MCTP2: variants seen among roughly 807,000 people sequenced by gnomAD.
The protein encoded by MCTP2 is multiple C2 and transmembrane domain-containing protein 2.
A neutral mutation model predicts 111.6 loss-of-function variants in MCTP2; 132 were observed. The ratio of observed to expected loss-of-function variants is 1.18; its 90% CI spans 1.03 to 1.37. MCTP2 has a LOEUF of 1.37. Among genes scored for constraint, MCTP2 ranks in the 40% most tolerant of loss-of-function variants. MCTP2 has a pLI of 0.00. For missense variants in MCTP2, 1,183 were observed against 1,067.9 expected (o/e 1.11, Z -1.50); for synonymous variants, 395 against 387.7 (o/e 1.02, Z -0.22).
At chr15:94,320,254 T>C in intron 4 of MCTP2, among the ~76,000 whole-genome samples, 1 of 151,716 alleles carries the variant, frequency 6.6e-6, no homozygotes. Context: ...GCCATTCTCC[T>C]GTCTCAGCCT....
At chr15:94,284,283 C>T (rs1256151333) in intron 1 of MCTP2, among the ~76,000 whole-genome samples, 1 of 152,214 alleles carries the variant, frequency 6.6e-6, no homozygotes, top group South Asian at 2.1e-4. Flanking sequence ...AAATATTCTT[C>T]ACCCATTACT....
chr15:94,243,062 CACGTGTATATGTGTATCTACACATAT>C (rs1475682678), intron 1 of MCTP2, among the ~76,000 whole-genome samples: 2,674 of 68,168 alleles, frequency 0.039, 298 homozygotes, highest in African/African-American at 0.055. Context: ...TCTACACATA[CACGTGTATATGTGTATCTACACATAT>C]ACGTGTATAT....
At chr15:94,465,884 C>T (rs74031262) in intron 20 of MCTP2, among the ~76,000 whole-genome samples, 287 of 152,166 alleles carry the variant, frequency 1.9e-3, no homozygotes, top group African/African-American at 6.6e-3. Flanking sequence ...AATATTGTCA[C>T]TTTTAATGTC....
At chr15:94,342,919 T>C (rs968332816) in intron 7 of MCTP2, 3 of 123,060 alleles carry the variant, frequency 2.4e-5, no homozygotes, top group Non-Finnish European at 5.1e-5. Context: ...TATATGGAGA[T>C]ATATATGTAT....
intron 1 of MCTP2, among the ~76,000 whole-genome samples, chr15:94,242,966 T>C (rs1567248526): frequency 8.6e-6 from 1 of 115,928 alleles, no homozygotes; most frequent in Non-Finnish European, 1.8e-5. Context: ...TACACGTGTA[T>C]ATGTGTATCT....
chr15:94,468,570 GA>G (rs1468115206), intron 20 of MCTP2, among the ~76,000 whole-genome samples: 1 of 151,940 alleles, frequency 6.6e-6, no homozygotes, highest in Non-Finnish European at 1.5e-5. Flanking sequence ...ATAATTTAAA[GA>G]ATTGAAAAAG....
intron 4 of MCTP2, among the ~76,000 whole-genome samples, chr15:94,323,477 G>A (rs949159291): frequency 4.6e-5 from 7 of 152,236 alleles, no homozygotes; most frequent in African/African-American, 1.7e-4. Flanking sequence ...AGCTCTGGAA[G>A]TGTGGCCACA....
In MCTP2 at chr15:94,358,602, C is replaced by T. The variant is rs777874074; in HGVS notation, c.1291C>T (p.Arg431Cys). ...AAAGGACAACAAAAAGCATGAGGAACGTCTGGGCACGTGAGTCCCCTCTGC... is the reference window on the plus strand; with the variant it reads ...AAAGGACAACAAAAAGCATGAGGAATGTCTGGGCACGTGAGTCCCCTCTGC... ...WGKDNKKHEE[R>C]LGTCKVDISA... Residue 431 changes from arginine to cysteine, a missense_variant, in exon 10 of 23, where the codon CGT becomes TGT. By Grantham distance (180) the Arg-to-Cys change is radical. Transcript: ENST00000357742. The T allele has an allele frequency of 1.4e-5, 22 of 1,613,524 alleles. No individual in the cohort carries two copies. The South Asian group carries it at 1.5e-4, about 11-fold the overall frequency.
intron 14 of MCTP2, among the ~76,000 whole-genome samples, chr15:94,387,893 C>T (rs2080606887): frequency 6.6e-6 from 1 of 152,156 alleles, no homozygotes; most frequent in South Asian, 2.1e-4. Flanking sequence ...ATGTGGATAT[C>T]TGAGAAATCC....
rs140940183 is a variant in MCTP2, at chr15:94,311,881, G to A, written c.466-2401G>A. Among the ~76,000 whole-genome samples the A allele has an allele frequency of 2.2e-4, 34 of 152,290 alleles. 1 individual carries two copies. In the East Asian group the frequency reaches 4.8e-3, roughly 22 times the overall value. On this transcript the variant is annotated intron_variant, in intron 2 of 22. Coordinates refer to ENST00000357742, the MANE Select transcript of MCTP2 (RefSeq NM_001385001.1). Reference sequence around the variant, plus strand: ...TCATTCAGTACAGTGAGGACAACTTGGGAGAATATATATGGTCCAGTCTGA... The same window carrying A: ...TCATTCAGTACAGTGAGGACAACTTAGGAGAATATATATGGTCCAGTCTGA...
In MCTP2 at chr15:94,242,976, TAC is replaced by T. The variant is rs1567248618; in HGVS notation, c.-66+11316_-66+11317del. Among the ~76,000 whole-genome samples, 39 of 103,898 alleles carry T rather than the reference TAC, an allele frequency of 3.8e-4. 2 individuals are homozygous for T. Among genetic ancestry groups the T allele is most frequent in the African/African-American group, 1.5e-3 (38 of 25,966 alleles). 68.2% of individuals were successfully genotyped at this position (103,898 alleles called of 152,430 possible). A position where few individuals can be genotyped will look rare whatever the true frequency, so the allele number is the denominator to read the frequency against. On this transcript the variant is annotated intron_variant, in intron 1 of 22. Transcript: ENST00000357742. ...ACATATACACGTGTATATGTGTATC[TAC>T]ACATACACGTGTATATGTGTATCTA...
chr15:94,443,840 G>T (rs187412637), intron 19 of MCTP2, among the ~76,000 whole-genome samples: 43 of 152,076 alleles, frequency 2.8e-4, no homozygotes, highest in African/African-American at 9.9e-4. Context: ...AGAGGAAAAT[G>T]ACCTTTTTCA....
At chr15:94,445,034 A>G (rs1438883146) in intron 19 of MCTP2, among the ~76,000 whole-genome samples, 1 of 152,234 alleles carries the variant, frequency 6.6e-6, no homozygotes, top group Non-Finnish European at 1.5e-5. Flanking sequence ...CTAGTCTACC[A>G]CTGATGTACT....
In MCTP2 at chr15:94,315,538, G is replaced by C. The variant is rs559014388; in HGVS notation, c.538G>C (p.Glu180Gln). ...TTCTCCATCTGTGCAGGTACCGGGG[G>C]AAGCCAGTGATGGCTTGAGTAACCT... ...QHFEEQSVPGEASDGLSNLPS... is the reference protein window; with the variant it reads ...QHFEEQSVPGQASDGLSNLPS... The change falls in exon 4 of 23, where the codon GAA becomes CAA. Residue 180 changes from glutamate (E) to glutamine (Q), a missense_variant. Glu to Gln is a conservative substitution (Grantham distance 29). Transcript: ENST00000357742. 3 of 1,613,320 alleles carry C rather than the reference G, an allele frequency of 1.9e-6. No individual in the cohort carries two copies. Among genetic ancestry groups the C allele is most frequent in the Non-Finnish European group, 2.5e-6 (3 of 1,179,328 alleles).
At chr15:94,283,653 CT>C (rs753506471) in intron 1 of MCTP2, among the ~76,000 whole-genome samples, 2 of 152,266 alleles carry the variant, frequency 1.3e-5, no homozygotes, top group South Asian at 2.1e-4. Context: ...ACCTTTCAGC[CT>C]GGGGTCTACA....
chr15:94,421,521 A>G (rs1406523171), intron 17 of MCTP2, among the ~76,000 whole-genome samples: 1 of 152,146 alleles, frequency 6.6e-6, no homozygotes, highest in Admixed American at 6.5e-5. Flanking sequence ...TGGAGGATCT[A>G]GGGGAGAATC....
chr15:94,466,605 C>G (rs747989005), intron 20 of MCTP2, among the ~76,000 whole-genome samples: 1 of 151,226 alleles, frequency 6.6e-6, no homozygotes, highest in Non-Finnish European at 1.5e-5. Flanking sequence ...ATATTAAAAT[C>G]TCCCCGTGGA....
chr15:94,466,582 A>G (rs781164820), intron 20 of MCTP2, among the ~76,000 whole-genome samples: 1 of 152,078 alleles, frequency 6.6e-6, no homozygotes, highest in South Asian at 2.1e-4. Context: ...TGTAAGCTTT[A>G]TGCAATGGTC....
chr15:94,402,810 C>T, intron 17 of MCTP2: 1 of 1,372,348 alleles, frequency 7.3e-7, no homozygotes, highest in Non-Finnish European at 9.4e-7. Flanking sequence ...CATTTCTGTC[C>T]TGTGCAAAGA....
Sources: allele counts gnomAD v4.1 joint callset (sites outside exome capture counted in the v4.1 genomes callset), GRCh38; gene constraint gnomAD v4.1.1; transcripts MANE v1.5; gene names NCBI Gene and HGNC (gene_info 2026-07-23, HGNC 2026-07-21).